The following ANO3 variants were observed in gnomAD, a reference collection of about 807,000 sequenced individuals.
ANO3 encodes anoctamin 3.
Under a neutral mutation model 144.8 loss-of-function variants are expected in ANO3, and 99 were observed. The ratio of observed to expected loss-of-function variants is 0.68; its 90% CI spans 0.58 to 0.81. ANO3 has a LOEUF of 0.81. Among genes scored for constraint, ANO3 ranks in the 30% least tolerant of loss-of-function variants. ANO3 has a pLI of 0.00. For synonymous variants in ANO3, 414 were observed against 392.6 expected, an observed-to-expected ratio of 1.05 and a Z score of -0.64; for missense variants, 905 against 1,202.2, an observed-to-expected ratio of 0.75 and a Z score of 3.66.
intron 1 of ANO3, among the ~76,000 whole-genome samples, chr11:26,230,140 G>T (rs906468626): frequency 6.6e-6 from 1 of 152,174 alleles, no homozygotes; most frequent in Non-Finnish European, 1.5e-5. Context: ...ATATTATAAT[G>T]AGAAAAATCA....
intron 4 of ANO3, among the ~76,000 whole-genome samples, chr11:26,489,330 C>T (rs1030252209): frequency 1.3e-5 from 2 of 152,192 alleles, no homozygotes; most frequent in African/African-American, 2.4e-5. Context: ...TTGGGAACCT[C>T]CGCCTAGATG....
At chr11:26,516,966 T>C (rs761288080) in intron 6 of ANO3, 39 bp downstream of exon 6, 1 of 1,233,708 alleles carries the variant, frequency 8.1e-7, no homozygotes. Context: ...TCAATATATA[T>C]TAAAATGAGT....
intron 1 of ANO3, among the ~76,000 whole-genome samples, chr11:26,426,026 AGTCT>A (rs2134004110): frequency 6.6e-6 from 1 of 152,262 alleles, no homozygotes; most frequent in African/African-American, 2.4e-5. Flanking sequence ...CAAGTTCCAA[AGTCT>A]GTCTTTTATT....
At chr11:26,624,362 C>G (rs910182351) in intron 17 of ANO3, 100 bp from the exon 18 acceptor site, 2 of 780,772 alleles carry the variant, frequency 2.6e-6, no homozygotes, top group Non-Finnish European at 4.2e-6. Flanking sequence ...AATGTAACCA[C>G]TGTATAACAT....
intron 1 of ANO3, among the ~76,000 whole-genome samples, chr11:26,269,514 TG>T (rs1283744449): frequency 6.6e-6 from 1 of 152,162 alleles, no homozygotes; most frequent in Non-Finnish European, 1.5e-5. Flanking sequence ...AAATATGGAA[TG>T]GGGGAGCCAG....
intron 9 of ANO3, among the ~76,000 whole-genome samples, chr11:26,536,267 C>T (rs1216337591): frequency 6.7e-6 from 1 of 149,302 alleles, no homozygotes; most frequent in Non-Finnish European, 1.5e-5. Context: ...TGCAGTGAGC[C>T]GAGATCATGC....
At chr11:26,640,253 T>C (rs74821109) in intron 21 of ANO3, among the ~76,000 whole-genome samples, 186 of 152,338 alleles carry the variant, frequency 1.2e-3, no homozygotes, top group African/African-American at 4.2e-3. Flanking sequence ...ATTTATAAAA[T>C]AGGATATTTA....
intron 1 of ANO3, among the ~76,000 whole-genome samples, chr11:26,424,530 A>G (rs572751782): frequency 6.6e-6 from 1 of 152,070 alleles, no homozygotes; most frequent in Admixed American, 6.6e-5. Flanking sequence ...CAACATTTTT[A>G]CTATCAGCTA....
chr11:26,642,806 T>G (rs1024883006), intron 22 of ANO3, among the ~76,000 whole-genome samples: 2 of 149,864 alleles, frequency 1.3e-5, no homozygotes, highest in Admixed American at 6.7e-5. Context: ...TCTTTCTTCT[T>G]CTTTTTCCTC....
chr11:26,619,186 T>C (rs1852343589), intron 17 of ANO3, among the ~76,000 whole-genome samples: 1 of 152,314 alleles, frequency 6.6e-6, no homozygotes, highest in Admixed American at 6.5e-5. Flanking sequence ...TTTTTTGTTA[T>C]TGGAATTGTA....
At chr11:26,414,596 G>C (rs1425931404) in intron 1 of ANO3, among the ~76,000 whole-genome samples, 1 of 151,780 alleles carries the variant, frequency 6.6e-6, no homozygotes, top group Non-Finnish European at 1.5e-5. Context: ...GTCGAGGGGT[G>C]GGGGCCAAGG....
chr11:26,253,404 G>C (rs1826683390), intron 1 of ANO3, among the ~76,000 whole-genome samples: 1 of 152,050 alleles, frequency 6.6e-6, no homozygotes, highest in Admixed American at 6.6e-5. Flanking sequence ...GCCTTTTGGA[G>C]GGTGGAGGGT....
chr11:26,378,382 A>G (rs1426413803), intron 1 of ANO3, among the ~76,000 whole-genome samples: 2 of 145,492 alleles, frequency 1.4e-5, no homozygotes, highest in African/African-American at 2.5e-5. Context: ...CTATATATCT[A>G]TATATAATCT....
chr11:26,468,289 G>A (rs117535490), intron 4 of ANO3, among the ~76,000 whole-genome samples: 1,648 of 152,040 alleles, frequency 0.011, 14 homozygotes, highest in Middle Eastern at 0.02. Flanking sequence ...TGTCACTTAC[G>A]ATGCCCAAAT....
chr11:26,218,949 T>C (rs1852088128), intron 1 of ANO3, among the ~76,000 whole-genome samples: 1 of 152,176 alleles, frequency 6.6e-6, no homozygotes, highest in Non-Finnish European at 1.5e-5. Flanking sequence ...TAAGCTCTGT[T>C]GAGAAATTTT....
At chr11:26,493,664 A>T in intron 4 of ANO3, among the ~76,000 whole-genome samples, 1 of 152,206 alleles carries the variant, frequency 6.6e-6, no homozygotes. Context: ...CAGCTCTTAC[A>T]TGCTAGGAAT....
At chr11:26,490,529 A>G (rs1419431084) in intron 4 of ANO3, among the ~76,000 whole-genome samples, 1 of 152,234 alleles carries the variant, frequency 6.6e-6, no homozygotes, top group Non-Finnish European at 1.5e-5. Flanking sequence ...TTATGGCTGC[A>G]TGGTCCTGAG....
intron 18 of ANO3, among the ~76,000 whole-genome samples, chr11:26,625,862 T>C (rs1029767576): frequency 2.6e-5 from 4 of 152,228 alleles, no homozygotes; most frequent in Non-Finnish European, 5.9e-5. Context: ...TACTAAATCC[T>C]ATGTCTTATT....
upstream of ANO3, among the ~76,000 whole-genome samples, chr11:26,328,835 T>C (rs1854957483): frequency 6.6e-6 from 1 of 152,148 alleles, no homozygotes; most frequent in African/African-American, 2.4e-5. Flanking sequence ...ACACATATCA[T>C]TGATAAAGTA....
Sources: allele counts gnomAD v4.1 joint callset (sites outside exome capture counted in the v4.1 genomes callset), GRCh38; gene constraint gnomAD v4.1.1; transcripts MANE v1.5; gene names NCBI Gene and HGNC (gene_info 2026-07-23, HGNC 2026-07-21).